The following CRY1 variants were observed in gnomAD, a reference collection of about 807,000 sequenced individuals.
The protein encoded by CRY1 is cryptochrome circadian regulator 1.
CRY1 carries 45 observed loss-of-function variants against 76.0 expected under a neutral mutation model. That is an observed-to-expected ratio of 0.59 (90% CI 0.47 to 0.76). The LOEUF is 0.76. Among genes scored for constraint, CRY1 ranks in the 30% least tolerant of loss-of-function variants. CRY1 has a pLI of 0.00. For synonymous variants in CRY1, 248 were observed against 244.0 expected (o/e 1.02, Z -0.15); for missense variants, 587 against 716.4 (o/e 0.82, Z 2.06).
intron 1 of CRY1, among the ~76,000 whole-genome samples, chr12:107,079,924 A>T (rs1431754085): frequency 1.3e-5 from 2 of 152,152 alleles, no homozygotes; most frequent in African/African-American, 2.4e-5. Context: ...AGATCACTCT[A>T]CTTGCTGTGT....
At chr12:107,067,641 GAA>G (rs1365701046) in intron 1 of CRY1, among the ~76,000 whole-genome samples, 1 of 151,986 alleles carries the variant, frequency 6.6e-6, no homozygotes, top group East Asian at 1.9e-4. Flanking sequence ...GTGACATCTG[GAA>G]AAGAGGCCCT....
chr12:107,071,912 A>G (rs1953194315), intron 1 of CRY1, among the ~76,000 whole-genome samples: 1 of 152,210 alleles, frequency 6.6e-6, no homozygotes, highest in African/African-American at 2.4e-5. Context: ...ACCAATAAAC[A>G]CAAATGAAAT....
intron 1 of CRY1, among the ~76,000 whole-genome samples, chr12:107,039,715 G>A (rs564151756): frequency 4.3e-4 from 66 of 152,122 alleles, no homozygotes; most frequent in Non-Finnish European, 8.7e-4. Flanking sequence ...TGTTGGTGGC[G>A]CTGCAAAATG....
At chr12:107,025,285 AT>A (rs1378447438) in intron 1 of CRY1, among the ~76,000 whole-genome samples, 3 of 152,236 alleles carry the variant, frequency 2.0e-5, no homozygotes, top group African/African-American at 7.2e-5. Context: ...CTACATATGT[AT>A]CTGGTTTAAT....
intron 10 of CRY1, among the ~76,000 whole-genome samples, chr12:106,993,705 G>A (rs11832534): frequency 0.024 from 3,588 of 151,976 alleles, 148 homozygotes; most frequent in African/African-American, 0.082. Flanking sequence ...ACTTACTTTC[G>A]TTTTAATTAA....
chr12:107,018,760 T>C (rs1194659577), intron 2 of CRY1, among the ~76,000 whole-genome samples: 1 of 152,102 alleles, frequency 6.6e-6, no homozygotes, highest in Non-Finnish European at 1.5e-5. Context: ...CTATATTAAG[T>C]CAGAGTTTAA....
intron 1 of CRY1, among the ~76,000 whole-genome samples, chr12:107,091,287 C>T (rs151322647): frequency 0.016 from 2,483 of 152,262 alleles, 36 homozygotes; most frequent in Non-Finnish European, 0.026. Context: ...CTCAGCCTCC[C>T]AAAGTGCTGG....
chr12:107,032,102 T>A (rs972269413), intron 1 of CRY1, among the ~76,000 whole-genome samples: 43 of 151,978 alleles, frequency 2.8e-4, no homozygotes, highest in Admixed American at 3.9e-4. Context: ...GCCCGGCTAA[T>A]TTTGTATTTT....
intron 2 of CRY1, among the ~76,000 whole-genome samples, chr12:107,014,793 A>C (rs1347281449): frequency 6.6e-6 from 1 of 152,224 alleles, no homozygotes; most frequent in Non-Finnish European, 1.5e-5. Flanking sequence ...GGATACCAAA[A>C]TTCACAAATG....
At chr12:107,072,214 A>G (rs1473581134) in intron 1 of CRY1, among the ~76,000 whole-genome samples, 1 of 152,208 alleles carries the variant, frequency 6.6e-6, no homozygotes, top group African/African-American at 2.4e-5. Context: ...ATGACTACTC[A>G]GTGCCAAGGC....
At chr12:107,080,707 T>A (rs1015848694) in intron 1 of CRY1, among the ~76,000 whole-genome samples, 2 of 151,928 alleles carry the variant, frequency 1.3e-5, no homozygotes, top group Admixed American at 1.3e-4. Flanking sequence ...ATTTAAAGTA[T>A]CCTTTGGATA....
chr12:107,048,941 T>C (rs768311152), intron 1 of CRY1, among the ~76,000 whole-genome samples: 5 of 152,088 alleles, frequency 3.3e-5, no homozygotes, highest in Non-Finnish European at 7.3e-5. Context: ...TGCCTGGTTA[T>C]TTTTTACCGT....
chr12:106,992,066 T>C (rs939965853), intron 12 of CRY1, 65 bp from the exon 13 acceptor site: 17 of 152,034 alleles, frequency 1.1e-4, no homozygotes, highest in African/African-American at 3.6e-4. Flanking sequence ...ATGACAAAAA[T>C]GTGATGAGTG....
chr12:107,022,330 CA>C, intron 1 of CRY1, 138 bp from the exon 2 acceptor site: 2 of 390,216 alleles, frequency 5.1e-6, no homozygotes, highest in East Asian at 8.6e-5. Flanking sequence ...ATACTTTTTC[CA>C]AAAACCATAC....
chr12:107,083,978 A>T (rs1377279747), intron 1 of CRY1, among the ~76,000 whole-genome samples: 1 of 152,214 alleles, frequency 6.6e-6, no homozygotes, highest in Non-Finnish European at 1.5e-5. Flanking sequence ...CTGATAAGCA[A>T]CTTCAGCAAA....
intron 1 of CRY1, among the ~76,000 whole-genome samples, chr12:107,073,406 T>C (rs1269701215): frequency 6.6e-6 from 1 of 152,044 alleles, no homozygotes; most frequent in Non-Finnish European, 1.5e-5. Context: ...GCCTAAAATA[T>C]ACTTTTTAAA....
chr12:107,054,650 G>T (rs1374646300), intron 1 of CRY1, among the ~76,000 whole-genome samples: 1 of 98,852 alleles, frequency 1.0e-5, no homozygotes, highest in Non-Finnish European at 2.2e-5. Flanking sequence ...CAGAAAGTTT[G>T]AAAAAAAAAA....
At chr12:107,060,761 G>T (rs562901952) in intron 1 of CRY1, among the ~76,000 whole-genome samples, 1 of 152,040 alleles carries the variant, frequency 6.6e-6, no homozygotes, top group Non-Finnish European at 1.5e-5. Context: ...GGCGGATCAC[G>T]AGGTCAGGAG....
chr12:107,005,378 GA>G, intron 2 of CRY1, 130 bp from the exon 3 acceptor site: 2 of 913,834 alleles, frequency 2.2e-6, no homozygotes, highest in South Asian at 4.1e-5. Flanking sequence ...GAATATGCAG[GA>G]AAAAGTAAAC....
Sources: allele counts gnomAD v4.1 joint callset (sites outside exome capture counted in the v4.1 genomes callset), GRCh38; gene constraint gnomAD v4.1.1; transcripts MANE v1.5; gene names NCBI Gene and HGNC (gene_info 2026-07-23, HGNC 2026-07-21).